The following MPDZ variants were observed in gnomAD, a reference collection of about 807,000 sequenced individuals.
MPDZ encodes the protein multiple PDZ domain protein.
In MPDZ, 234 loss-of-function variants were observed where a neutral mutation model predicts 239.1. The ratio of observed to expected loss-of-function variants is 0.98; its 90% CI spans 0.88 to 1.09. The LOEUF is 1.09. Among genes scored for constraint, MPDZ ranks in the 50% least tolerant of loss-of-function variants. The pLI is 0.00. For missense variants in MPDZ, 3,175 were observed against 2,510.0 expected, an observed-to-expected ratio of 1.26 and a Z score of -5.66; for synonymous variants, 1,048 against 881.3, an observed-to-expected ratio of 1.19 and a Z score of -3.35.
chr9:13,129,188 C>T (rs777290087), intron 32 of MPDZ, among the ~76,000 whole-genome samples: 2 of 152,068 alleles, frequency 1.3e-5, no homozygotes, highest in Admixed American at 6.6e-5. Flanking sequence ...TGAGGCTGGG[C>T]GTGGTGGCTC....
chr9:13,241,076 A>G (rs937561172), intron 3 of MPDZ, among the ~76,000 whole-genome samples: 10 of 152,178 alleles, frequency 6.6e-5, no homozygotes, highest in African/African-American at 2.4e-4. Flanking sequence ...CAAAAATTTT[A>G]GTCCCTTCAA....
At chr9:13,204,301 C>T (rs1358771922) in intron 12 of MPDZ, among the ~76,000 whole-genome samples, 1 of 151,998 alleles carries the variant, frequency 6.6e-6, no homozygotes, top group East Asian at 1.9e-4. Context: ...TAAAATAATG[C>T]TACTGGCCAG....
intron 39 of MPDZ, among the ~76,000 whole-genome samples, chr9:13,117,814 A>G (rs895301731): frequency 6.7e-6 from 1 of 148,382 alleles, no homozygotes; most frequent in African/African-American, 2.5e-5. Context: ...ACAAATATTT[A>G]TGGTGTTCAT....
intron 24 of MPDZ, among the ~76,000 whole-genome samples, chr9:13,152,970 G>A (rs763304096): frequency 3.3e-5 from 5 of 152,182 alleles, no homozygotes; most frequent in South Asian, 2.1e-4. Flanking sequence ...GAAAATCGAC[G>A]AAACAGAACT....
intron 10 of MPDZ, among the ~76,000 whole-genome samples, chr9:13,215,133 T>C (rs1433737287): frequency 1.3e-5 from 2 of 151,866 alleles, no homozygotes; most frequent in Non-Finnish European, 2.9e-5. Context: ...ATTTCCCCTC[T>C]CCCCAGTCCC....
chr9:13,138,760 C>T (rs957751589), intron 28 of MPDZ, among the ~76,000 whole-genome samples: 3 of 152,164 alleles, frequency 2.0e-5, no homozygotes, highest in Non-Finnish European at 2.9e-5. Context: ...ATTGTGCACC[C>T]TCTTTAATCT....
intron 1 of MPDZ, among the ~76,000 whole-genome samples, chr9:13,272,507 TGGAA>T (rs932837257): frequency 3.3e-5 from 5 of 151,868 alleles, no homozygotes; most frequent in Non-Finnish European, 5.9e-5. Context: ...GGGAAAGGGT[TGGAA>T]GGGTCAGACA....
chr9:13,166,960 C>G (rs1951161758), intron 22 of MPDZ, among the ~76,000 whole-genome samples: 1 of 152,092 alleles, frequency 6.6e-6, no homozygotes, highest in African/African-American at 2.4e-5. Context: ...AGTGGTAGGG[C>G]TAGTACCAAG....
chr9:13,212,217 A>AT (rs1273948957), intron 10 of MPDZ, among the ~76,000 whole-genome samples: 1 of 152,042 alleles, frequency 6.6e-6, no homozygotes, highest in African/African-American at 2.4e-5. Flanking sequence ...GATGACTTGG[A>AT]TTTTAAAATG....
chr9:13,106,615 T>G lies in MPDZ; in HGVS notation c.*350A>C. 1 of 173,386 alleles carries G rather than the reference T, an allele frequency of 5.8e-6. No homozygotes were observed. The highest frequency in any genetic ancestry group is 1.2e-5 in the Non-Finnish European group (1 of 82,666). The allele number at this position is 173,386 out of a possible 1,614,324, so 10.7% of individuals were successfully genotyped here. A position where few individuals can be genotyped will look rare whatever the true frequency, so the allele number is the denominator to read the frequency against. On this transcript the variant is annotated 3_prime_UTR_variant, in exon 47 of 47. Coordinates refer to ENST00000319217, the MANE Select transcript of MPDZ (RefSeq NM_001378778.1). ...TCATCCTAATTTACTGAAGCCATTT[T>G]CTTTGGTTAGCTTTAGAATTATCTT...
chr9:13,129,382 G>C (rs561326181), intron 32 of MPDZ, among the ~76,000 whole-genome samples: 3 of 151,722 alleles, frequency 2.0e-5, no homozygotes, highest in Non-Finnish European at 4.4e-5. Flanking sequence ...AGAATCGCTT[G>C]AACCCGGGAG....
intron 10 of MPDZ, among the ~76,000 whole-genome samples, chr9:13,212,166 A>C (rs1236836433): frequency 2.0e-5 from 3 of 152,124 alleles, no homozygotes; most frequent in Non-Finnish European, 1.5e-5. Context: ...AACTTAAAAT[A>C]TGTTTAAAAA....
Position 13,107,061 on chromosome 9 carries a change from A to T in MPDZ, c.6117T>A (p.Ala2039=). Residue 2039 remains alanine, a synonymous_variant, in exon 47 of 47, where the codon GCT becomes GCA. Transcript: ENST00000319217. ...GRLKRGDQII[A]VNGQSLEGVT... ...CTCCTTCTAGACTCTGCCCATTGAC[A>T]GCAATGATCTGATCGCCCCTTTTCA... 1 of 1,603,522 alleles carries T rather than the reference A, an allele frequency of 6.2e-7. No homozygotes were observed. Among genetic ancestry groups the T allele is most frequent in the Non-Finnish European group, 8.5e-7 (1 of 1,171,956 alleles).
At chr9:13,116,443 A>C (rs964415965) in intron 39 of MPDZ, among the ~76,000 whole-genome samples, 12 of 152,212 alleles carry the variant, frequency 7.9e-5, no homozygotes, top group African/African-American at 2.9e-4. Context: ...CACTGATATT[A>C]TTATTCAGTG....
intron 3 of MPDZ, among the ~76,000 whole-genome samples, chr9:13,237,835 A>G (rs1283371592): frequency 7.9e-5 from 12 of 152,190 alleles, no homozygotes; most frequent in Non-Finnish European, 1.2e-4. Context: ...CAGCAAGTAT[A>G]ACTTTTGTAT....
intron 10 of MPDZ, among the ~76,000 whole-genome samples, chr9:13,214,981 G>A (rs1458211436): frequency 6.6e-6 from 1 of 151,872 alleles, no homozygotes; most frequent in Non-Finnish European, 1.5e-5. Context: ...AATCGTGGTA[G>A]AAAAACACAA....
intron 1 of MPDZ, among the ~76,000 whole-genome samples, chr9:13,271,201 C>G (rs1194351031): frequency 1.3e-5 from 2 of 152,138 alleles, no homozygotes; most frequent in Non-Finnish European, 2.9e-5. Flanking sequence ...GTAGCTCCAA[C>G]ATTTAAATAA....
chr9:13,192,334 A>C, intron 14 of MPDZ, 39 bp from the exon 15 acceptor site: 2 of 1,520,294 alleles, frequency 1.3e-6, no homozygotes, highest in Non-Finnish European at 1.8e-6. Context: ...ACAACACTTC[A>C]TAATATGAAC....
chr9:13,133,757 C>T (rs1395567569), intron 32 of MPDZ, 67 bp downstream of exon 32: 9 of 1,139,922 alleles, frequency 7.9e-6, no homozygotes, highest in African/African-American at 1.5e-5. Context: ...CTTTTGAGAA[C>T]ACAGTGAATT....
Sources: allele counts gnomAD v4.1 joint callset (sites outside exome capture counted in the v4.1 genomes callset), GRCh38; gene constraint gnomAD v4.1.1; transcripts MANE v1.5; gene names NCBI Gene and HGNC (gene_info 2026-07-23, HGNC 2026-07-21).